Variants in DLC1 observed in about 807,000 individuals in gnomAD.
The protein encoded by DLC1 is rho GTPase-activating protein 7.
Under a neutral mutation model 140.3 loss-of-function variants are expected in DLC1, and 54 were observed. The ratio of observed to expected loss-of-function variants is 0.38; its 90% CI spans 0.31 to 0.48. DLC1 has a LOEUF of 0.48. Ranked by LOEUF, DLC1 falls within the 20% of genes least tolerant of loss-of-function variation. The pLI is 0.96. For missense variants in DLC1, 2,536 were observed against 1,907.0 expected (o/e 1.33, Z -6.14); for synonymous variants, 986 against 728.1 (o/e 1.35, Z -5.70).
chr8:13,493,877 A>G (rs1297760904), intron 2 of DLC1, among the ~76,000 whole-genome samples: 5 of 152,170 alleles, frequency 3.3e-5, no homozygotes, highest in Admixed American at 1.3e-4. Flanking sequence ...GAAAGAGAGT[A>G]TCATTTCAGG....
chr8:13,579,785 C>T (rs1181301770), intron 1 of DLC1, among the ~76,000 whole-genome samples: 1 of 151,336 alleles, frequency 6.6e-6, no homozygotes, highest in Non-Finnish European at 1.5e-5. Flanking sequence ...CCTAGTGAGC[C>T]CACTGCTTTT....
intron 5 of DLC1, among the ~76,000 whole-genome samples, chr8:13,138,396 T>G (rs1822722424): frequency 6.6e-6 from 1 of 152,240 alleles, no homozygotes; most frequent in Non-Finnish European, 1.5e-5. Context: ...CCATTCCACT[T>G]AATTTTAACT....
upstream of DLC1, among the ~76,000 whole-genome samples, chr8:13,516,062 C>A (rs1419142992): frequency 2.6e-5 from 4 of 152,138 alleles, no homozygotes; most frequent in African/African-American, 9.7e-5. Context: ...AACAGCATCT[C>A]TGACTTTAAT....
rs187133783 is a variant in DLC1, at chr8:13,147,585, A to G, written c.1349-31928T>C. Among the ~76,000 whole-genome samples the G allele has an allele frequency of 5.9e-5, 9 of 152,342 alleles. No individual in the cohort carries two copies. In the East Asian group the frequency reaches 1.7e-3, roughly 29 times the overall value. On this transcript the variant is annotated intron_variant, in intron 5 of 17. Coordinates refer to ENST00000276297, the MANE Select transcript of DLC1 (RefSeq NM_182643.3). ...TGTATAATGAAGCAGTTCTACTCCA[A>G]CCAGGACCAAGGTTCGAACAGTACT...
At chr8:13,098,644 C>A (rs1818715387) in intron 9 of DLC1, 69 bp from the exon 10 acceptor site, 3 of 1,482,270 alleles carry the variant, frequency 2.0e-6, no homozygotes, top group Non-Finnish European at 2.7e-6. Context: ...TTTATTTTTT[C>A]TTGCTCTGTT....
intron 1 of DLC1, among the ~76,000 whole-genome samples, chr8:13,528,668 T>C (rs889460564): frequency 1.1e-4 from 16 of 152,166 alleles, no homozygotes; most frequent in African/African-American, 3.9e-4. Context: ...ACACAGTAGC[T>C]ATTTTATTTG....
chr8:13,412,112 C>T (rs1300187907), intron 2 of DLC1, among the ~76,000 whole-genome samples: 2 of 152,042 alleles, frequency 1.3e-5, no homozygotes, highest in African/African-American at 4.8e-5. Context: ...ATGAATGAAG[C>T]AGTTATAAAA....
intron 5 of DLC1, among the ~76,000 whole-genome samples, chr8:13,249,983 C>G (rs1047773270): frequency 1.3e-5 from 2 of 152,130 alleles, no homozygotes; most frequent in African/African-American, 2.4e-5. Flanking sequence ...GGGCCTCTCC[C>G]TTGAAGTGCT....
chr8:13,228,228 G>A (rs964618563), intron 5 of DLC1, among the ~76,000 whole-genome samples: 1 of 151,220 alleles, frequency 6.6e-6, no homozygotes, highest in Non-Finnish European at 1.5e-5. Context: ...GCAAACAGAT[G>A]GTTCTGAAAT....
chr8:13,395,900 A>G (rs1215608567), intron 3 of DLC1, among the ~76,000 whole-genome samples: 1 of 151,882 alleles, frequency 6.6e-6, no homozygotes, highest in Non-Finnish European at 1.5e-5. Flanking sequence ...CCCTAAGAAT[A>G]TGATTCATTA....
At chr8:13,113,071 T>G (rs905749864) in intron 6 of DLC1, among the ~76,000 whole-genome samples, 1 of 152,210 alleles carries the variant, frequency 6.6e-6, no homozygotes, top group Admixed American at 6.5e-5. Context: ...TAACAATTTT[T>G]AAAAAATCTG....
chr8:13,442,381 G>A (rs1798556869), intron 2 of DLC1, among the ~76,000 whole-genome samples: 1 of 152,152 alleles, frequency 6.6e-6, no homozygotes, highest in East Asian at 1.9e-4. Flanking sequence ...AGGAGCTTCT[G>A]CACAGCAAAA....
intron 16 of DLC1, among the ~76,000 whole-genome samples, chr8:13,087,821 A>C: frequency 6.6e-6 from 1 of 152,204 alleles, no homozygotes; most frequent in East Asian, 1.9e-4. Context: ...TTACACATAC[A>C]TCAGCCTTAA....
rs916301215 is a variant in DLC1 at position 13,084,888 on chromosome 8, T to A, written c.*923A>T. The A allele has an allele frequency of 2.0e-5, 3 of 152,228 alleles. No individual in the cohort carries two copies. Among genetic ancestry groups the A allele is most frequent in the Non-Finnish European group, 1.5e-5 (1 of 68,034 alleles). The allele number at this position is 152,228 out of a possible 1,614,324, so 9.4% of individuals were successfully genotyped here. ...GCAAAGAATTCTAACAGGGAAAAAG[T>A]GTTGATGCTTGATTTAAGAGTAAGT... On this transcript the variant is annotated 3_prime_UTR_variant, in exon 18 of 18. Transcript: ENST00000276297.
chr8:13,233,462 A>C (rs554470616), intron 5 of DLC1, among the ~76,000 whole-genome samples: 1 of 152,180 alleles, frequency 6.6e-6, no homozygotes, highest in South Asian at 2.1e-4. Context: ...AATACATTTT[A>C]ATATGTTTTT....
chr8:13,531,397 C>T (rs1287582889), intron 1 of DLC1, among the ~76,000 whole-genome samples: 1 of 152,176 alleles, frequency 6.6e-6, no homozygotes, highest in Non-Finnish European at 1.5e-5. Context: ...ACCAGCCTGG[C>T]CAACATGGTG....
At chr8:13,171,378 C>A (rs532297348) in intron 5 of DLC1, among the ~76,000 whole-genome samples, 9 of 152,206 alleles carry the variant, frequency 5.9e-5, no homozygotes, top group African/African-American at 1.9e-4. Context: ...TCTGTAGGTG[C>A]CCTACTTCCT....
At chr8:13,139,968 A>G (rs1822851672) in intron 5 of DLC1, among the ~76,000 whole-genome samples, 1 of 152,192 alleles carries the variant, frequency 6.6e-6, no homozygotes, top group Non-Finnish European at 1.5e-5. Flanking sequence ...AGTACAGTGC[A>G]TTCACGTTAT....
intron 1 of DLC1, among the ~76,000 whole-genome samples, chr8:13,590,077 A>ATATAGATATATATATATATATATATCTC (rs11272767): frequency 6.9e-6 from 1 of 145,192 alleles, no homozygotes; most frequent in South Asian, 2.1e-4. Context: ...ATATATATAT[A>ATATAGATATATATATATATATATATCTC]CAAACACATG....
Sources: gnomAD v4.1 joint callset for allele counts (sites outside exome capture counted in the v4.1 genomes callset) on GRCh38, gnomAD v4.1.1 for gene constraint, MANE v1.5 for transcripts, NCBI Gene and HGNC (gene_info 2026-07-23, HGNC 2026-07-21) for gene names.